WDR20: variants seen among roughly 807,000 people sequenced by gnomAD.
WDR20 encodes the protein WD repeat domain 20.
Under a neutral mutation model 38.7 loss-of-function variants are expected in WDR20, and 3 were observed. The observed-to-expected ratio is 0.08, with a 90% confidence interval of 0.04 to 0.20. The LOEUF is 0.20. Among genes scored for constraint, WDR20 ranks in the 10% least tolerant of loss-of-function variants. WDR20 has a pLI of 1.00. For synonymous variants in WDR20, 298 were observed against 285.6 expected (o/e 1.04, Z -0.44); for missense variants, 559 against 727.7 (o/e 0.77, Z 2.67).
chr14:102,196,306 T>C (rs1365221343), intron 2 of WDR20, among the ~76,000 whole-genome samples: 2 of 152,314 alleles, frequency 1.3e-5, no homozygotes, highest in Non-Finnish European at 1.5e-5. Context: ...AGGAAAAGTA[T>C]TTAATCCCAT....
Position 102,221,065 on chromosome 14 carries a change from T to A in WDR20, c.1693-1765T>A, listed in dbSNP as rs2063833724. Among the ~76,000 whole-genome samples, 2 of 152,240 alleles carry A rather than the reference T, an allele frequency of 1.3e-5. No homozygotes were observed. Among genetic ancestry groups the A allele is most frequent in the Admixed American group, 6.5e-5 (1 of 15,292 alleles). Reference sequence around the variant, plus strand: ...TCACTTGTTTTTAAGTTGTTAAACGTGCTCCCGGGAAGCTAAACTTAACAC... The same window carrying A: ...TCACTTGTTTTTAAGTTGTTAAACGAGCTCCCGGGAAGCTAAACTTAACAC... On this transcript the variant is annotated intron_variant, in intron 3 of 3. Coordinates refer to the WDR20 transcript ENST00000335263. This position sits in a 1 kb window ranked among gnomAD's most constrained non-coding sequence, Gnocchi z 4.8.
At chr14:102,206,491 C>T (rs1259951209) in intron 2 of WDR20, among the ~76,000 whole-genome samples, 1 of 152,104 alleles carries the variant, frequency 6.6e-6, no homozygotes, top group Non-Finnish European at 1.5e-5. Context: ...TACTCCTAAC[C>T]GTGCTGCTAG....
intron 1 of WDR20, among the ~76,000 whole-genome samples, chr14:102,172,673 C>A (rs1419870064): frequency 3.7e-4 from 52 of 141,868 alleles, no homozygotes; most frequent in African/African-American, 1.4e-3. Context: ...CTGACCCCCC[C>A]ACCTCCCTCC....
rs2061578504 is a variant in WDR20, at chr14:102,174,203, T to C, written c.250-20735T>C. 3.3e-5 allele frequency among the ~76,000 whole-genome samples: 5 copies of C among 152,324 alleles called. 1 individual carries two copies. In the South Asian group the frequency reaches 8.3e-4, roughly 25 times the overall value. On this transcript the variant is annotated intron_variant, in intron 1 of 2. Transcript: ENST00000342702. ...ATTGTGAATTCTGCTGCTATAAATA[T>C]GCATGTGCAAGTGTCTTTTTCATGT...
intron 1 of WDR20, among the ~76,000 whole-genome samples, chr14:102,161,140 A>ATTTT (rs1369897890): frequency 2.8e-4 from 3 of 10,812 alleles, no homozygotes; most frequent in African/African-American, 3.9e-4. Flanking sequence ...ATATATATAT[A>ATTTT]TATTTTTTTT....
exon 4 of WDR20, chr14:102,223,076 A>G (rs2064102023): frequency 1.8e-6 from 1 of 543,428 alleles, no homozygotes. Flanking sequence ...AGTTGTTTCC[A>G]TTTTAAACCG....
At chr14:102,217,687 C>G (rs2063385494), downstream of WDR20, among the ~76,000 whole-genome samples, 1 of 152,194 alleles carries the variant, frequency 6.6e-6, no homozygotes, top group Non-Finnish European at 1.5e-5. Flanking sequence ...CGTGAATAAA[C>G]CATGGCTGCT....
Position 102,207,785 on chromosome 14 carries a change from G to T in WDR20, c.433-818G>T, listed in dbSNP as rs1280807207. ...TGCCTTTGGTGGGGCAGGTATTTTT[G>T]CCCTTCGTTATTTGGGTTTTAAAGG... On this transcript the variant is annotated intron_variant, in intron 2 of 2. Transcript: ENST00000342702. This position sits in a 1 kb window ranked among gnomAD's most constrained non-coding sequence, Gnocchi z 5.0. Among the ~76,000 whole-genome samples the T allele has an allele frequency of 6.6e-6, 1 of 152,174 alleles. No homozygotes were observed. Among genetic ancestry groups the T allele is most frequent in the Non-Finnish European group, 1.5e-5 (1 of 68,016 alleles).
chr14:102,158,588 G>A (rs2057969640), intron 1 of WDR20, among the ~76,000 whole-genome samples: 2 of 152,090 alleles, frequency 1.3e-5, no homozygotes, highest in South Asian at 4.1e-4. Context: ...TAGCCACTGT[G>A]CCCAGCCTAG....
intron 1 of WDR20, among the ~76,000 whole-genome samples, chr14:102,194,280 C>G (rs534051798): frequency 2.7e-4 from 41 of 152,310 alleles, no homozygotes; most frequent in East Asian, 3.9e-4. Context: ...GAAACCTAAT[C>G]CAGAAGAGGG....
chr14:102,189,372 A>G (rs953304197), intron 1 of WDR20, among the ~76,000 whole-genome samples: 3 of 152,220 alleles, frequency 2.0e-5, no homozygotes, highest in Non-Finnish European at 2.9e-5. Flanking sequence ...TGAGAACTTA[A>G]TAAGTATGAT....
intron 1 of WDR20, among the ~76,000 whole-genome samples, chr14:102,145,195 A>AT (rs2053170437): frequency 6.6e-6 from 1 of 152,214 alleles, no homozygotes; most frequent in African/African-American, 2.4e-5. Context: ...GAGTAAAGCC[A>AT]TGTCTGTCTA....
chr14:102,186,482 G>A (rs1249944754), intron 1 of WDR20, among the ~76,000 whole-genome samples: 1 of 152,166 alleles, frequency 6.6e-6, no homozygotes, highest in Non-Finnish European at 1.5e-5. Flanking sequence ...TTGTTCAAAA[G>A]GTGAATATCA....
chr14:102,156,428 A>G (rs2057402561), intron 1 of WDR20, among the ~76,000 whole-genome samples: 2 of 152,034 alleles, frequency 1.3e-5, no homozygotes, highest in African/African-American at 4.8e-5. Context: ...TCGGCCTCCC[A>G]AAGTGCTGGG....
At chr14:102,176,615 T>C (rs2062161178) in intron 1 of WDR20, among the ~76,000 whole-genome samples, 1 of 139,432 alleles carries the variant, frequency 7.2e-6, no homozygotes, top group African/African-American at 2.6e-5. Flanking sequence ...TTTCTTTCCC[T>C]TTTTTTTTTT....
chr14:102,192,718 G>A (rs2058718140), intron 1 of WDR20, among the ~76,000 whole-genome samples: 1 of 152,026 alleles, frequency 6.6e-6, no homozygotes, highest in African/African-American at 2.4e-5. Context: ...ATTTATATTA[G>A]GCTATTTTCT....
chr14:102,151,444 G>A (rs1285593751), intron 1 of WDR20, among the ~76,000 whole-genome samples: 4 of 152,136 alleles, frequency 2.6e-5, no homozygotes, highest in Non-Finnish European at 4.4e-5. Context: ...AGCCCAGGCT[G>A]GAGTGCAGTG....
At chr14:102,181,137 C>A (rs2063287407) in intron 1 of WDR20, among the ~76,000 whole-genome samples, 1 of 152,046 alleles carries the variant, frequency 6.6e-6, no homozygotes, top group South Asian at 2.1e-4. Flanking sequence ...AACTTATGAA[C>A]TTTAACCAGA....
rs1281004154 is a variant in WDR20, at chr14:102,210,493, T to C, written c.*613T>C. On this transcript the variant is annotated 3_prime_UTR_variant, in exon 3 of 3. Coordinates refer to ENST00000342702, the MANE Select transcript of WDR20 (RefSeq NM_144574.4). ...ACCCATTTTAGTCATTTTATGACAA[T>C]TAAAGTTGTTTAATAAACATCTTTT... The C allele has an allele frequency of 1.0e-6, 1 of 985,238 alleles. No individual in the cohort carries two copies. Among genetic ancestry groups the C allele is most frequent in the Non-Finnish European group, 1.2e-6 (1 of 829,838 alleles). 61.0% of individuals were successfully genotyped at this position (985,238 alleles called of 1,614,324 possible).
Sources: allele counts gnomAD v4.1 joint callset (sites outside exome capture counted in the v4.1 genomes callset), GRCh38; gene constraint gnomAD v4.1.1; non-coding constraint Gnocchi (gnomAD v3.1); transcripts MANE v1.5; gene names NCBI Gene and HGNC (gene_info 2026-07-23, HGNC 2026-07-21).